ARMC8: variants seen among roughly 807,000 people sequenced by gnomAD.
ARMC8 encodes the protein armadillo repeat containing 8.
In ARMC8, 20 loss-of-function variants were observed where a neutral mutation model predicts 99.3. The observed-to-expected ratio is 0.20, with a 90% CI of 0.14 to 0.29. ARMC8 has a LOEUF of 0.29. Ranked by LOEUF, ARMC8 falls within the 10% of genes least tolerant of loss-of-function variation. The pLI, the probability that ARMC8 is intolerant of heterozygous loss-of-function variation, is 1.00. For synonymous variants in ARMC8, 263 were observed against 278.3 expected (o/e 0.95, Z 0.55); for missense variants, 569 against 809.5 (o/e 0.70, Z 3.60).
At chr3:138,260,955 A>C (rs923302998) in intron 12 of ARMC8, among the ~76,000 whole-genome samples, 1 of 152,174 alleles carries the variant, frequency 6.6e-6, no homozygotes, top group Non-Finnish European at 1.5e-5. Context: ...TCTTAAGTAA[A>C]AATAATTTCC....
chr3:138,280,695 T>C (rs2049817354), intron 18 of ARMC8, among the ~76,000 whole-genome samples: 1 of 152,166 alleles, frequency 6.6e-6, no homozygotes, highest in African/African-American at 2.4e-5. Context: ...GGTTTCACCA[T>C]GTTGGCCAAG....
intron 1 of ARMC8, chr3:138,187,855 G>A: frequency 3.6e-6 from 2 of 554,748 alleles, no homozygotes; most frequent in Non-Finnish European, 6.4e-6. Flanking sequence ...CAGGCGGGGT[G>A]GCTGGGCTTA....
chr3:138,234,081 T>C (rs1483154883), intron 6 of ARMC8, among the ~76,000 whole-genome samples: 3 of 152,116 alleles, frequency 2.0e-5, no homozygotes, highest in Non-Finnish European at 2.9e-5. Context: ...CCTACTCTTT[T>C]AAGAACCAAT....
intron 15 of ARMC8, among the ~76,000 whole-genome samples, chr3:138,268,987 T>G (rs1576887892): frequency 6.6e-6 from 1 of 152,252 alleles, no homozygotes; most frequent in East Asian, 1.9e-4. Context: ...AAATATACAT[T>G]GAAATATTAA....
At chr3:138,217,802 C>G (rs2045155751) in intron 2 of ARMC8, among the ~76,000 whole-genome samples, 1 of 152,182 alleles carries the variant, frequency 6.6e-6, no homozygotes, top group Admixed American at 6.5e-5. Context: ...TCAGTGTGTA[C>G]AAAGTCAAAA....
chr3:138,261,350 C>T (rs1045468640), intron 12 of ARMC8: 7 of 152,080 alleles, frequency 4.6e-5, no homozygotes, highest in African/African-American at 1.7e-4. Flanking sequence ...TGTTAAAATA[C>T]CGTTAGCAAA....
chr3:138,264,476 G>C (rs1424227195), intron 14 of ARMC8, among the ~76,000 whole-genome samples: 1 of 123,422 alleles, frequency 8.1e-6, no homozygotes, highest in Non-Finnish European at 1.6e-5. Context: ...CTGGAGTGCA[G>C]TGGCATGATC....
In ARMC8 at chr3:138,192,275, C is replaced by CTT. The variant is rs372563436; in HGVS notation, c.45+4695_45+4696dup. 1.8e-3 allele frequency among the ~76,000 whole-genome samples: 229 copies of CTT among 130,684 alleles called. 1 individual carries two copies. Among genetic ancestry groups the CTT allele is most frequent in the East Asian group, 2.8e-3 (13 of 4,672 alleles). 85.7% of individuals were successfully genotyped at this position (130,684 alleles called of 152,430 possible). A position where few individuals can be genotyped will look rare whatever the true frequency, so the allele number is the denominator to read the frequency against. On this transcript the variant is annotated intron_variant, in intron 1 of 21. Coordinates refer to ENST00000469044, the MANE Select transcript of ARMC8 (RefSeq NM_001363941.2). ...AGAATATTTTTATTATTTATTTATC[C>CTT]TTTTTTTTTTTTTTTTTTTTGAGAC...
intron 18 of ARMC8, among the ~76,000 whole-genome samples, chr3:138,276,665 A>G (rs991749137): frequency 2.0e-4 from 30 of 152,214 alleles, no homozygotes; most frequent in African/African-American, 7.0e-4. Flanking sequence ...AAACAGTACC[A>G]TTTGCAGTAA....
intron 6 of ARMC8, among the ~76,000 whole-genome samples, chr3:138,229,902 A>C (rs573203930): frequency 6.6e-6 from 1 of 152,224 alleles, no homozygotes; most frequent in Non-Finnish European, 1.5e-5. Flanking sequence ...TTTGGGAACT[A>C]TAGGAAAGAA....
At chr3:138,289,987 C>T (rs571054031) in intron 20 of ARMC8, among the ~76,000 whole-genome samples, 1 of 152,296 alleles carries the variant, frequency 6.6e-6, no homozygotes, top group Non-Finnish European at 1.5e-5. Flanking sequence ...CTAGATACCA[C>T]GTACCACTTG....
chr3:138,246,303 A>G, intron 12 of ARMC8: 1 of 985,824 alleles, frequency 1.0e-6, no homozygotes, highest in Non-Finnish European at 1.2e-6. Context: ...TTAACAAGAT[A>G]CTTTGACTTG....
chr3:138,243,139 A>C (rs377431908), intron 11 of ARMC8, among the ~76,000 whole-genome samples: 1 of 152,340 alleles, frequency 6.6e-6, no homozygotes, highest in East Asian at 1.9e-4. Flanking sequence ...AAGGCAAATA[A>C]AATGTTTTGA....
In ARMC8 at chr3:138,234,441, A is replaced by G. The variant is rs181342992; in HGVS notation, c.529-593A>G. On this transcript the variant is annotated intron_variant, in intron 6 of 21. Transcript: ENST00000469044. Reference sequence around the variant, plus strand: ...ATACTTTTAAAAAGAAAAATGAGATAGAAATATGGAAACCAAAACACGTTG... The same window carrying G: ...ATACTTTTAAAAAGAAAAATGAGATGGAAATATGGAAACCAAAACACGTTG... 1.3e-5 allele frequency among the ~76,000 whole-genome samples: 2 copies of G among 152,218 alleles called. 1 individual carries two copies.
chr3:138,289,082 TG>T lies in ARMC8; in HGVS notation c.1857del (p.Met619IlefsTer28), dbSNP rs2050704194. 1.9e-6 allele frequency: 3 copies of T among 1,613,456 alleles called. No homozygotes were observed. Among genetic ancestry groups the T allele is most frequent in the Non-Finnish European group, 2.5e-6 (3 of 1,179,694 alleles). On this transcript the variant is annotated frameshift_variant, in exon 20 of 22. Coordinates refer to ENST00000469044, the MANE Select transcript of ARMC8 (RefSeq NM_001363941.2). LOFTEE classifies it high-confidence loss of function. ...HSHVKLQLAA[M>X]FCISNLIWNE... ...CATGTTAAACTGCAGCTTGCAGCCA[TG>T]TTTTGTATATCAAACCTCATATGGA...
intron 1 of ARMC8, among the ~76,000 whole-genome samples, chr3:138,195,697 A>G (rs2043690738): frequency 1.3e-5 from 2 of 152,134 alleles, no homozygotes; most frequent in South Asian, 4.1e-4. Flanking sequence ...TTACATGAAA[A>G]AAAACAAAGC....
chr3:138,188,119 C>T (rs528878073), intron 1 of ARMC8: 6 of 229,366 alleles, frequency 2.6e-5, no homozygotes, highest in Middle Eastern at 3.5e-3. Context: ...ACCTGGGCAC[C>T]GGCTGAAGCA....
At position 138,284,465 on chromosome 3, in the gene ARMC8, C is replaced by T; in HGVS notation, c.1760C>T (p.Thr587Ile). ...ATCTTAGCCAACATAGCGGATGGGA[C>T]AACAGCAAAAGATCTTATTATGACC... ...LCILANIADG[T>I]TAKDLIMTND... Residue 587 changes from threonine (T) to isoleucine (I), a missense_variant, in exon 19 of 22, where the codon ACA becomes ATA. This residue lies in a region of ARMC8 where 227 missense variants were observed against 417.9 expected (regional missense o/e 0.54). Coordinates refer to ENST00000469044, the MANE Select transcript of ARMC8 (RefSeq NM_001363941.2). 1 of 1,613,756 alleles carries T rather than the reference C, an allele frequency of 6.2e-7. No individual in the cohort carries two copies. Among genetic ancestry groups the T allele is most frequent in the Non-Finnish European group, 8.5e-7 (1 of 1,179,718 alleles).
intron 18 of ARMC8, among the ~76,000 whole-genome samples, chr3:138,281,451 C>T (rs1450094100): frequency 6.6e-6 from 1 of 152,074 alleles, no homozygotes; most frequent in East Asian, 1.9e-4. Flanking sequence ...CGCCACCACA[C>T]CCAGCTAGTC....
Sources: allele counts gnomAD v4.1 joint callset (sites outside exome capture counted in the v4.1 genomes callset), GRCh38; gene constraint gnomAD v4.1.1; regional missense constraint gnomAD v4.1.1; transcripts MANE v1.5; gene names NCBI Gene and HGNC (gene_info 2026-07-23, HGNC 2026-07-21).